WDR27: variants seen among roughly 807,000 people sequenced by gnomAD.
The protein encoded by WDR27 is WD repeat domain 27, also known as WD repeat-containing protein 27.
Under a neutral mutation model 114.4 loss-of-function variants are expected in WDR27, and 100 were observed. That is an observed-to-expected ratio of 0.87 (90% CI 0.74 to 1.03). WDR27 has a LOEUF of 1.03. WDR27 is among the 50% of genes least tolerant of loss of function. The pLI, the probability that WDR27 is intolerant of heterozygous loss-of-function variation, is 0.00. For missense variants in WDR27, 1,129 were observed against 1,092.9 expected (o/e 1.03, Z -0.47); for synonymous variants, 449 against 423.1 (o/e 1.06, Z -0.75).
intron 25 of WDR27, among the ~76,000 whole-genome samples, chr6:169,568,144 G>A (rs1419190465): frequency 2.0e-5 from 3 of 151,452 alleles, no homozygotes; most frequent in East Asian, 3.9e-4. Context: ...GGAAGCCTGA[G>A]TCTGACAGCA....
At chr6:169,600,893 C>T (rs1312980015) in intron 23 of WDR27, among the ~76,000 whole-genome samples, 4 of 152,102 alleles carry the variant, frequency 2.6e-5, no homozygotes, top group Non-Finnish European at 4.4e-5. Context: ...ATACTTTGCC[C>T]GATGTTATCC....
intron 25 of WDR27, among the ~76,000 whole-genome samples, chr6:169,466,488 T>C (rs1388937044): frequency 6.6e-6 from 1 of 152,186 alleles, no homozygotes; most frequent in East Asian, 1.9e-4. Flanking sequence ...TCAGATCTCA[T>C]GAGAATTCAC....
At chr6:169,544,320 A>G (rs563281368) in intron 25 of WDR27, among the ~76,000 whole-genome samples, 7 of 152,018 alleles carry the variant, frequency 4.6e-5, no homozygotes, top group African/African-American at 1.5e-4. Flanking sequence ...ATTTACAGAG[A>G]AAATCCCAAG....
Position 169,659,369 on chromosome 6 carries a change from C to A in WDR27, c.1197+82G>T. 1 of 1,582,540 alleles carries A rather than the reference C, an allele frequency of 6.3e-7. No homozygotes were observed. On this transcript the variant is annotated intron_variant, in intron 11 of 25. Transcript: ENST00000448612. This position sits in a 1 kb window ranked among gnomAD's most constrained non-coding sequence, Gnocchi z 4.3. ...ACACACAAAATCCCGTTTACTCAGC[C>A]AGTCGTTACAGGATCACTCTGAAGA...
intron 25 of WDR27, among the ~76,000 whole-genome samples, chr6:169,539,587 C>A (rs1391038268): frequency 6.6e-6 from 1 of 152,168 alleles, no homozygotes; most frequent in Admixed American, 6.5e-5. Context: ...AGAACTTATA[C>A]CCCAAATCAA....
intron 2 of WDR27, among the ~76,000 whole-genome samples, chr6:169,673,816 AT>A (rs200710674): frequency 6.6e-6 from 1 of 152,152 alleles, no homozygotes; most frequent in Non-Finnish European, 1.5e-5. Context: ...TAACTCTACA[AT>A]TTTTTTCCGT....
intron 25 of WDR27, among the ~76,000 whole-genome samples, chr6:169,562,508 G>A (rs375495565): frequency 6.6e-6 from 1 of 152,188 alleles, no homozygotes; most frequent in Admixed American, 6.5e-5. Context: ...ATGGGGGAGT[G>A]TAGAGCACCT....
At chr6:169,640,988 A>G (rs1180151264) in intron 17 of WDR27, among the ~76,000 whole-genome samples, 1 of 152,150 alleles carries the variant, frequency 6.6e-6, no homozygotes, top group Non-Finnish European at 1.5e-5. Flanking sequence ...GAGACTGAGA[A>G]ATGTGTTTTT....
intron 22 of WDR27, among the ~76,000 whole-genome samples, chr6:169,610,601 G>C (rs116294868): frequency 1.3e-5 from 2 of 152,206 alleles, no homozygotes; most frequent in Admixed American, 1.3e-4. Context: ...TGGGAATTAC[G>C]GGAGTACAAG....
intron 19 of WDR27, among the ~76,000 whole-genome samples, chr6:169,635,389 C>T (rs1344738226): frequency 6.6e-6 from 1 of 152,144 alleles, no homozygotes; most frequent in Non-Finnish European, 1.5e-5. Flanking sequence ...GTCTCAAAAA[C>T]AAACTTTAGG....
chr6:169,604,719 C>A (rs1808751981), intron 22 of WDR27, among the ~76,000 whole-genome samples: 1 of 152,066 alleles, frequency 6.6e-6, no homozygotes, highest in Non-Finnish European at 1.5e-5. Context: ...CAAACAGAAT[C>A]CAATAGCACA....
chr6:169,683,714 T>C (rs1562926902), intron 2 of WDR27, among the ~76,000 whole-genome samples: 1 of 152,140 alleles, frequency 6.6e-6, no homozygotes, highest in Non-Finnish European at 1.5e-5. Context: ...CTGCCCAGCG[T>C]CAGATGGGAC....
intron 18 of WDR27, among the ~76,000 whole-genome samples, 160 bp downstream of exon 18, chr6:169,638,379 T>C (rs991299797): frequency 2.0e-5 from 3 of 151,026 alleles, no homozygotes; most frequent in Admixed American, 6.6e-5. Context: ...GTTATTGCAT[T>C]GAAGCAATAA....
At chr6:169,666,518 A>G (rs2128285503) in intron 6 of WDR27, 1 of 985,506 alleles carries the variant, frequency 1.0e-6, no homozygotes, top group Non-Finnish European at 1.2e-6. Flanking sequence ...CCAGTGCCCT[A>G]AGATGCCAGG....
downstream of WDR27, among the ~76,000 whole-genome samples, chr6:169,453,964 T>G (rs1376709272): frequency 1.3e-5 from 2 of 152,242 alleles, no homozygotes; most frequent in African/African-American, 4.8e-5. Context: ...AATACTTTCA[T>G]GAACCATCTC....
Position 169,551,634 on chromosome 6 carries a change from G to A in WDR27, c.2645+20785C>T, listed in dbSNP as rs191101800. Reference sequence around the variant, plus strand: ...TGCCTGTAATCCCAGCTACTCAGGAGGCTGAGGCAGGAGAATCACTTGAAC... The same window carrying A: ...TGCCTGTAATCCCAGCTACTCAGGAAGCTGAGGCAGGAGAATCACTTGAAC... On this transcript the variant is annotated intron_variant, in intron 25 of 25. Coordinates refer to ENST00000448612, the MANE Select transcript of WDR27 (RefSeq NM_182552.5). 3.3e-3 allele frequency among the ~76,000 whole-genome samples: 506 copies of A among 151,490 alleles called. 2 individuals carry two copies. Among genetic ancestry groups the A allele is most frequent in the African/African-American group, 0.011 (474 of 41,294 alleles).
rs1554334493 is a variant in WDR27, at chr6:169,638,340, A to AAAAAG, written c.1869+198_1869+199insCTTTT. 6.1e-4 allele frequency among the ~76,000 whole-genome samples: 86 copies of AAAAAG among 140,166 alleles called. 13 individuals are homozygous for AAAAAG. The East Asian group carries it at 0.015, about 25-fold the overall frequency. The allele number at this position is 140,166 out of a possible 152,430, so 92.0% of individuals were successfully genotyped here. A position where few individuals can be genotyped will look rare whatever the true frequency, so the allele number is the denominator to read the frequency against. On this transcript the variant is annotated intron_variant, in intron 18 of 25. Coordinates refer to ENST00000448612, the MANE Select transcript of WDR27 (RefSeq NM_182552.5). ...TCCGTCTCAAAAAAAAAAAAAAAAA[A>AAAAAG]AAAAAAAAAAAGAAACTAATCAATA... is the stretch of plus-strand genomic sequence containing the variant.
At chr6:169,483,525 G>A (rs1000777182) in intron 25 of WDR27, among the ~76,000 whole-genome samples, 2 of 152,120 alleles carry the variant, frequency 1.3e-5, no homozygotes, top group African/African-American at 2.4e-5. Context: ...TAAATAGCCA[G>A]CCAACCAAAG....
intron 25 of WDR27, among the ~76,000 whole-genome samples, chr6:169,560,156 G>A (rs1298144400): frequency 6.6e-6 from 1 of 152,092 alleles, no homozygotes; most frequent in Non-Finnish European, 1.5e-5. Flanking sequence ...ACTGAATCAC[G>A]GGAGCCTGTC....
Sources: allele counts gnomAD v4.1 joint callset (sites outside exome capture counted in the v4.1 genomes callset), GRCh38; gene constraint gnomAD v4.1.1; non-coding constraint Gnocchi (gnomAD v3.1); transcripts MANE v1.5; gene names NCBI Gene and HGNC (gene_info 2026-07-23, HGNC 2026-07-21).